The following UNC79 variants were observed in gnomAD, a reference collection of about 807,000 sequenced individuals.
UNC79 encodes unc-79 subunit of NALCN channel complex, also known as protein unc-79 homolog.
UNC79 carries 37 observed loss-of-function variants against 283.1 expected under a neutral mutation model. The observed-to-expected ratio is 0.13, with a 90% CI of 0.10 to 0.17. UNC79 has a LOEUF of 0.17. Among genes scored for constraint, UNC79 ranks in the 10% least tolerant of loss-of-function variants. The pLI is 1.00. For missense variants in UNC79, 2,272 were observed against 3,211.1 expected (o/e 0.71, Z 7.07); for synonymous variants, 1,107 against 1,200.2 (o/e 0.92, Z 1.61).
chr14:93,539,780 A>G (rs995890995), intron 12 of UNC79, among the ~76,000 whole-genome samples: 3 of 152,180 alleles, frequency 2.0e-5, no homozygotes, highest in African/African-American at 7.2e-5. Flanking sequence ...TATAACTGTA[A>G]TCAGTGTATC....
At chr14:93,702,945 T>A (rs1290526822) in intron 47 of UNC79, among the ~76,000 whole-genome samples, 1 of 152,264 alleles carries the variant, frequency 6.6e-6, no homozygotes, top group Non-Finnish European at 1.5e-5. Flanking sequence ...GTGATCTGTC[T>A]GGAGCACTGT....
intron 14 of UNC79, among the ~76,000 whole-genome samples, chr14:93,562,286 G>A (rs1255268555): frequency 2.0e-5 from 3 of 152,288 alleles, no homozygotes; most frequent in East Asian, 3.9e-4. Flanking sequence ...TCCAGGTAGG[G>A]TGTCTTCATA....
intron 27 of UNC79, among the ~76,000 whole-genome samples, chr14:93,614,882 G>A (rs973266696): frequency 6.6e-6 from 1 of 152,104 alleles, no homozygotes; most frequent in Non-Finnish European, 1.5e-5. Context: ...AAGCATCTTT[G>A]TATACACACC....
At chr14:93,472,883 C>A (rs1267423488) in intron 2 of UNC79, among the ~76,000 whole-genome samples, 1 of 152,058 alleles carries the variant, frequency 6.6e-6, no homozygotes, top group Non-Finnish European at 1.5e-5. Context: ...TATATAAAAG[C>A]ACTTTGCAAG....
At chr14:93,695,815 C>T (rs1217058640) in intron 47 of UNC79, among the ~76,000 whole-genome samples, 5 of 140,564 alleles carry the variant, frequency 3.6e-5, no homozygotes, top group Admixed American at 7.8e-5. Context: ...TCGCTTAACC[C>T]GGAAGGTGGA....
intron 40 of UNC79, among the ~76,000 whole-genome samples, chr14:93,667,624 G>A (rs1281001003): frequency 2.0e-5 from 3 of 151,998 alleles, no homozygotes; most frequent in African/African-American, 4.8e-5. Context: ...AGAACTGATC[G>A]ATCTCTTCTT....
At chr14:93,676,553 G>C (rs2073357016) in intron 41 of UNC79, among the ~76,000 whole-genome samples, 2 of 152,166 alleles carry the variant, frequency 1.3e-5, no homozygotes, top group African/African-American at 4.8e-5. Context: ...GGGCACTGAA[G>C]GTGCTTTCCT....
chr14:93,604,224 G>A (rs913524040), intron 26 of UNC79, among the ~76,000 whole-genome samples: 5 of 152,098 alleles, frequency 3.3e-5, no homozygotes, highest in African/African-American at 1.2e-4. Context: ...AATAATCACT[G>A]TGAAGTAAAT....
At chr14:93,527,363 T>C (rs1311607611) in intron 8 of UNC79, among the ~76,000 whole-genome samples, 1 of 152,246 alleles carries the variant, frequency 6.6e-6, no homozygotes, top group Non-Finnish European at 1.5e-5. Context: ...TGACAGAGAC[T>C]GTGGCCCACA....
intron 1 of UNC79, among the ~76,000 whole-genome samples, chr14:93,357,745 ATG>A (rs2054124344): frequency 8.4e-6 from 1 of 118,714 alleles, no homozygotes; most frequent in African/African-American, 3.9e-5. Context: ...ATATATATAT[ATG>A]GATATATGGA....
chr14:93,480,765 T>C (rs763523556), intron 4 of UNC79, among the ~76,000 whole-genome samples: 3 of 152,188 alleles, frequency 2.0e-5, no homozygotes, highest in Non-Finnish European at 2.9e-5. Flanking sequence ...TTTTGGTAGT[T>C]GTTTTGGTGT....
Position 93,593,784 on chromosome 14 carries a change from C to T in UNC79, c.3137C>T (p.Thr1046Ile), listed in dbSNP as rs1199041858. ...CCTCATGGTGCTGACATCTTCTGGACAATCATAAATGGCAATTTCAACAGC... is the reference window on the plus strand; with the variant it reads ...CCTCATGGTGCTGACATCTTCTGGATAATCATAAATGGCAATTTCAACAGC... Residue 1046 changes from threonine to isoleucine, a missense_variant, in exon 23 of 49, where the codon ACA becomes ATA. This residue lies in a region of UNC79 where 237 missense variants were observed against 378.9 expected (regional missense o/e 0.63). Coordinates refer to ENST00000555664, the Ensembl canonical transcript of UNC79. 1.6e-5 allele frequency: 26 copies of T among 1,613,896 alleles called. No individual in the cohort carries two copies. In the Admixed American group the frequency reaches 4.2e-4, roughly 26 times the overall value.
At chr14:93,687,535 A>C (rs533158586) in intron 43 of UNC79, among the ~76,000 whole-genome samples, 10 of 152,340 alleles carry the variant, frequency 6.6e-5, no homozygotes, top group Admixed American at 2.0e-4. Flanking sequence ...TAGTGATCCC[A>C]GAAGTTCATC....
At chr14:93,584,640 T>C (rs2064083702) in intron 20 of UNC79, among the ~76,000 whole-genome samples, 1 of 152,226 alleles carries the variant, frequency 6.6e-6, no homozygotes, top group African/African-American at 2.4e-5. Flanking sequence ...AATTAACTGC[T>C]GCTTTTATCT....
chr14:93,360,795 T>C (rs2054204346), intron 1 of UNC79, among the ~76,000 whole-genome samples: 1 of 152,314 alleles, frequency 6.6e-6, no homozygotes, highest in South Asian at 2.1e-4. Context: ...GAGAATAAAT[T>C]TGACTGAAAT....
intron 22 of UNC79, among the ~76,000 whole-genome samples, chr14:93,592,924 C>T (rs949997345): frequency 1.3e-5 from 2 of 152,132 alleles, no homozygotes; most frequent in Non-Finnish European, 2.9e-5. Flanking sequence ...TGTGGCTTGG[C>T]TTCTTAAATG....
At position 93,654,530 on chromosome 14, in the gene UNC79, A is replaced by G. The variant is rs111597193; in HGVS notation, c.6282+505A>G. Among the ~76,000 whole-genome samples the G allele has an allele frequency of 3.1e-3, 464 of 151,544 alleles. 4 individuals carry two copies. The highest frequency in any genetic ancestry group is 0.011 in the African/African-American group (442 of 41,358). The stretch of plus-strand genomic sequence containing the variant: ...CACTCGCAACGGAGCGAGACCCCCA[A>G]CTCAAAAGAAAAATAATAGAAAATG... On this transcript the variant is annotated intron_variant, in intron 37 of 48. Transcript: ENST00000555664.
At position 93,458,717 on chromosome 14, in the gene UNC79, A is replaced by C. The variant is rs140648425; in HGVS notation, c.23-8954A>C. Among the ~76,000 whole-genome samples, 266 of 152,352 alleles carry C rather than the reference A, an allele frequency of 1.7e-3. 3 individuals are homozygous for C. The highest frequency in any genetic ancestry group is 2.1e-3 in the East Asian group (11 of 5,184). On this transcript the variant is annotated intron_variant, in intron 1 of 48. Transcript: ENST00000555664. ...AGGGAATATTAATAGGACTAAAGAT[A>C]ATTGACATTTAAACTTTCAATTCAT...
At position 93,541,888 on chromosome 14, in the gene UNC79, C is replaced by G. The variant is rs571124101; in HGVS notation, c.1525-578C>G. Among the ~76,000 whole-genome samples, 112 of 151,678 alleles carry G rather than the reference C, an allele frequency of 7.4e-4. 2 individuals carry two copies. Among genetic ancestry groups the G allele is most frequent in the Non-Finnish European group, 8.1e-4 (55 of 67,924 alleles). ...GGTGTGGTGGCAAGCGCCTGTAGTC[C>G]CAGCTACTCGGGAGGCTGAGGCAGG... On this transcript the variant is annotated intron_variant, in intron 13 of 48. Transcript: ENST00000555664.
Sources: gnomAD v4.1 joint callset for allele counts (sites outside exome capture counted in the v4.1 genomes callset) on GRCh38, gnomAD v4.1.1 for gene constraint, gnomAD v4.1.1 regional missense constraint, MANE v1.5 for transcripts, NCBI Gene and HGNC (gene_info 2026-07-23, HGNC 2026-07-21) for gene names.